KCNIP4: variants seen among roughly 807,000 people sequenced by gnomAD.
KCNIP4 encodes the protein potassium voltage-gated channel interacting protein 4.
A neutral mutation model predicts 34.0 loss-of-function variants in KCNIP4; 12 were observed. The ratio of observed to expected loss-of-function variants is 0.35; its 90% CI spans 0.23 to 0.57. KCNIP4 has a LOEUF of 0.57. KCNIP4 is among the 20% of genes least tolerant of loss of function. The pLI is 0.83. For missense variants in KCNIP4, 238 were observed against 311.7 expected, an observed-to-expected ratio of 0.76 and a Z score of 1.78; for synonymous variants, 124 against 102.2, an observed-to-expected ratio of 1.21 and a Z score of -1.29.
intron 1 of KCNIP4, among the ~76,000 whole-genome samples, chr4:21,086,587 C>T (rs1338120258): frequency 6.6e-6 from 1 of 152,130 alleles, no homozygotes; most frequent in Non-Finnish European, 1.5e-5. Flanking sequence ...TGAAGCATTT[C>T]CTGGGAAACA....
At chr4:21,131,523 C>T (rs373478380) in intron 1 of KCNIP4, among the ~76,000 whole-genome samples, 2 of 151,972 alleles carry the variant, frequency 1.3e-5, no homozygotes, top group Non-Finnish European at 2.9e-5. Context: ...GGCAGGAGAA[C>T]GGAGTGAACC....
At chr4:21,513,431 G>A (rs1734494992) in intron 1 of KCNIP4, among the ~76,000 whole-genome samples, 2 of 152,182 alleles carry the variant, frequency 1.3e-5, no homozygotes, top group African/African-American at 4.8e-5. Flanking sequence ...TATGTGAGAA[G>A]CTGGCATTGG....
intron 1 of KCNIP4, among the ~76,000 whole-genome samples, chr4:21,945,877 C>A (rs1730486493): frequency 6.6e-6 from 1 of 151,088 alleles, no homozygotes; most frequent in Admixed American, 6.6e-5. Flanking sequence ...GCTGGCAGGG[C>A]AAAAGTGAGC....
At chr4:20,785,610 AT>A (rs1191958743) in intron 3 of KCNIP4, among the ~76,000 whole-genome samples, 1 of 152,182 alleles carries the variant, frequency 6.6e-6, no homozygotes, top group African/African-American at 2.4e-5. Context: ...TCAGAGCACA[AT>A]GGGGATAATA....
intron 1 of KCNIP4, among the ~76,000 whole-genome samples, chr4:21,793,568 T>C (rs1451642443): frequency 6.6e-6 from 1 of 152,148 alleles, no homozygotes; most frequent in Non-Finnish European, 1.5e-5. Context: ...TGACAAGTAG[T>C]TTTTTCAATA....
chr4:20,981,026 C>A (rs543291449), intron 1 of KCNIP4, among the ~76,000 whole-genome samples: 1 of 152,222 alleles, frequency 6.6e-6, no homozygotes, highest in Admixed American at 6.5e-5. Context: ...GACTACTGAT[C>A]AAAAAGTCCA....
chr4:21,175,497 C>T (rs1754340108), intron 1 of KCNIP4, among the ~76,000 whole-genome samples: 1 of 152,178 alleles, frequency 6.6e-6, no homozygotes, highest in Admixed American at 6.5e-5. Context: ...GCAACTTCAG[C>T]ATACGATTTT....
chr4:21,601,284 A>C (rs527893843), intron 1 of KCNIP4, among the ~76,000 whole-genome samples: 3 of 152,208 alleles, frequency 2.0e-5, no homozygotes, highest in South Asian at 2.1e-4. Flanking sequence ...ATCAATTTCA[A>C]CATCCATGCA....
At chr4:21,226,438 G>A (rs1232467897) in intron 1 of KCNIP4, among the ~76,000 whole-genome samples, 1 of 150,842 alleles carries the variant, frequency 6.6e-6, no homozygotes, top group East Asian at 1.9e-4. Context: ...ATAGGATTTT[G>A]ATGATACAAT....
chr4:21,559,757 T>C (rs1463502423), intron 1 of KCNIP4, among the ~76,000 whole-genome samples: 1 of 152,010 alleles, frequency 6.6e-6, no homozygotes, highest in Non-Finnish European at 1.5e-5. Context: ...TTTGAAAAAA[T>C]GTATTATTAG....
intron 1 of KCNIP4, among the ~76,000 whole-genome samples, chr4:21,384,199 T>A (rs926114772): frequency 2.0e-5 from 3 of 152,236 alleles, no homozygotes; most frequent in Admixed American, 6.5e-5. Context: ...TATGGAATTA[T>A]GTATTGTATC....
At chr4:21,115,887 A>G (rs1311176828) in intron 1 of KCNIP4, among the ~76,000 whole-genome samples, 1 of 152,212 alleles carries the variant, frequency 6.6e-6, no homozygotes, top group African/African-American at 2.4e-5. Flanking sequence ...AATCCTTAAC[A>G]GATATAAGCT....
chr4:21,419,499 A>G (rs1725265989), intron 1 of KCNIP4, among the ~76,000 whole-genome samples: 1 of 152,152 alleles, frequency 6.6e-6, no homozygotes, highest in Non-Finnish European at 1.5e-5. Flanking sequence ...TTCTCCACCT[A>G]TAACATAAAT....
intron 1 of KCNIP4, among the ~76,000 whole-genome samples, chr4:20,936,856 A>G (rs1731119945): frequency 6.6e-6 from 1 of 152,208 alleles, no homozygotes; most frequent in African/African-American, 2.4e-5. Flanking sequence ...ACAGTTATTA[A>G]AGACAGAGTG....
rs550573236 is a variant in KCNIP4, at chr4:21,509,016, G to A, written c.61+439555C>T. ...ATAGGAGTCTGTATGCCCTCCCCTC[G>A]GAGCTGATTTCATAGGGTTTTTCCC... On this transcript the variant is annotated intron_variant, in intron 1 of 8. Transcript: ENST00000382152. Among the ~76,000 whole-genome samples the A allele has an allele frequency of 5.3e-5, 8 of 152,094 alleles. 1 individual carries two copies. The South Asian group carries it at 8.3e-4, about 16-fold the overall frequency.
chr4:21,313,003 T>C (rs1019992338), intron 1 of KCNIP4, among the ~76,000 whole-genome samples: 3 of 152,316 alleles, frequency 2.0e-5, no homozygotes, highest in East Asian at 1.9e-4. Flanking sequence ...ATATTTCAGT[T>C]TGAGATCTAA....
At chr4:21,427,280 C>A (rs1726017017) in intron 1 of KCNIP4, among the ~76,000 whole-genome samples, 1 of 151,168 alleles carries the variant, frequency 6.6e-6, no homozygotes, top group South Asian at 2.1e-4. Context: ...CTACTATGAG[C>A]CAGGCAATGT....
At chr4:20,908,338 T>A (rs1244667989) in intron 1 of KCNIP4, among the ~76,000 whole-genome samples, 1 of 152,202 alleles carries the variant, frequency 6.6e-6, no homozygotes, top group Non-Finnish European at 1.5e-5. Context: ...GACCTCGTGA[T>A]CCGCCTGCCT....
chr4:21,864,691 C>T (rs960950691), intron 1 of KCNIP4, among the ~76,000 whole-genome samples: 3 of 152,124 alleles, frequency 2.0e-5, no homozygotes, highest in Non-Finnish European at 4.4e-5. Flanking sequence ...TGTCTGGTAT[C>T]GAGAAAAGGG....
Sources: allele counts gnomAD v4.1 joint callset (sites outside exome capture counted in the v4.1 genomes callset), GRCh38; gene constraint gnomAD v4.1.1; transcripts MANE v1.5; gene names NCBI Gene and HGNC (gene_info 2026-07-23, HGNC 2026-07-21).